Variants in ZNF146 observed in about 807,000 individuals in gnomAD.
ZNF146 encodes zinc finger protein OZF.
A neutral mutation model predicts 22.2 loss-of-function variants in ZNF146; 9 were observed. The observed-to-expected ratio is 0.41, with a 90% CI of 0.24 to 0.71. The LOEUF (loss-of-function observed/expected upper bound fraction) is 0.71, where lower values mean the gene tolerates loss of function less well. Ranked by LOEUF, ZNF146 falls within the 30% of genes least tolerant of loss-of-function variation. The probability of loss-of-function intolerance (pLI) is 0.34; values close to 1 mark genes in which losing one functional copy is unlikely to be tolerated. For synonymous variants in ZNF146, 108 were observed against 119.2 expected, an observed-to-expected ratio of 0.91 and a Z score of 0.61; for missense variants, 194 against 344.8, an observed-to-expected ratio of 0.56 and a Z score of 3.46.
In ZNF146 at chr19:36,218,102, T is replaced by TTTTTTTG. The variant is rs1976688809; in HGVS notation, c.-928-14_-928-13insGTTTTTT. ...TTACAGGCATGAGCTAATTTTTTTT[T>TTTTTTTG]TTTTTTTTTTAAATTAAAGGAAGAC... On this transcript the variant is annotated intron_variant, in intron 1 of 3. Coordinates refer to ENST00000443387, the MANE Select transcript of ZNF146 (RefSeq NM_007145.3). The TTTTTTTG allele has an allele frequency of 8.8e-6, 1 of 113,436 alleles. No homozygotes were observed. The highest frequency in any genetic ancestry group is 1.9e-5 in the Non-Finnish European group (1 of 51,986). 7.0% of individuals were successfully genotyped at this position (113,436 alleles called of 1,614,324 possible).
chr19:36,215,936 C>T (rs1233799154), intron 1 of ZNF146, among the ~76,000 whole-genome samples: 1 of 152,098 alleles, frequency 6.6e-6, no homozygotes, highest in Non-Finnish European at 1.5e-5. Flanking sequence ...TCCTAGGTGT[C>T]TTAATTCCTT....
intron 2 of ZNF146, among the ~76,000 whole-genome samples, chr19:36,220,328 TACCTAATTTCTTAGCTCCTAGTTC>T (rs60219339): frequency 0.098 from 14,292 of 145,430 alleles, 1,521 homozygotes; most frequent in Non-Finnish European, 0.15. Flanking sequence ...ATAGTATTTT[TACCTAATTTCTTAGCTCCTAGTTC>T]TTTTTTTTAA....
At chr19:36,230,905 GATTCT>G (rs1568434412) in intron 3 of ZNF146, among the ~76,000 whole-genome samples, 2 of 152,046 alleles carry the variant, frequency 1.3e-5, no homozygotes, top group African/African-American at 4.8e-5. Flanking sequence ...AGGTTCAAGC[GATTCT>G]CCTGCCTTAG....
rs1977627734 is a variant in ZNF146, at chr19:36,235,899, C to A, written c.-542C>A. On this transcript the variant is annotated 5_prime_UTR_variant, in exon 4 of 4. Transcript: ENST00000443387. ...GGGAGGTTGTGTAGGAAAGAATCAT[C>A]AAGGGACTTAGTTGGGAGCTTCTCT... 1 of 152,368 alleles carries A rather than the reference C, an allele frequency of 6.6e-6. No homozygotes were observed. The highest frequency in any genetic ancestry group is 2.4e-5 in the African/African-American group (1 of 41,438). 9.4% of individuals were successfully genotyped at this position (152,368 alleles called of 1,614,324 possible).
intron 3 of ZNF146, among the ~76,000 whole-genome samples, chr19:36,232,211 A>C (rs1047564268): frequency 6.6e-6 from 1 of 151,986 alleles, no homozygotes; most frequent in Middle Eastern, 3.4e-3. Flanking sequence ...AAAAAAAAAA[A>C]ACATACAAAT....
intron 2 of ZNF146, among the ~76,000 whole-genome samples, chr19:36,227,031 C>T (rs530570247): frequency 9.9e-4 from 147 of 148,056 alleles, no homozygotes; most frequent in African/African-American, 3.4e-3. Context: ...TGCAGTGAGC[C>T]GAGATCGCAC....
intron 2 of ZNF146, among the ~76,000 whole-genome samples, chr19:36,227,897 A>G (rs2145429490): frequency 6.6e-6 from 1 of 152,310 alleles, no homozygotes; most frequent in African/African-American, 2.4e-5. Context: ...ACGGTGGCTT[A>G]CATCTGTAAT....
intron 1 of ZNF146, among the ~76,000 whole-genome samples, chr19:36,217,055 C>CTTTTTTTTTTT (rs752632008): frequency 2.1e-4 from 14 of 65,876 alleles, no homozygotes; most frequent in African/African-American, 4.5e-4. Context: ...CAGTCCCTGT[C>CTTTTTTTTTTT]TTTTTTTTTT....
intron 1 of ZNF146, among the ~76,000 whole-genome samples, chr19:36,216,302 T>C (rs1976602990): frequency 6.6e-6 from 1 of 152,062 alleles, no homozygotes. Flanking sequence ...AAATATACCA[T>C]GTGACATTAA....
intron 2 of ZNF146, among the ~76,000 whole-genome samples, chr19:36,220,774 A>G (rs1347270909): frequency 4.6e-5 from 7 of 152,174 alleles, no homozygotes; most frequent in Non-Finnish European, 1.0e-4. Flanking sequence ...TGCTGATACT[A>G]GTAGTAACCA....
chr19:36,217,153 C>T (rs570210095), intron 1 of ZNF146, among the ~76,000 whole-genome samples: 2 of 147,066 alleles, frequency 1.4e-5, no homozygotes, highest in Non-Finnish European at 3.0e-5. Context: ...ACCTCTGCCC[C>T]CCAGGTTCAA....
Position 36,237,579 on chromosome 19 carries a change from A to T in ZNF146, c.*260A>T. On this transcript the variant is annotated 3_prime_UTR_variant, in exon 4 of 4. Transcript: ENST00000443387. The stretch of plus-strand genomic sequence containing the variant: ...ATTTTCACTAAAAGTGGGAACAGAA[A>T]ATGGAGGCCTGTTTTTTATTGCTAC... 1 of 309,310 alleles carries T rather than the reference A, an allele frequency of 3.2e-6. No individual in the cohort carries two copies. The highest frequency in any genetic ancestry group is 8.7e-5 in the South Asian group (1 of 11,478). 19.2% of individuals were successfully genotyped at this position (309,310 alleles called of 1,614,324 possible).
intron 3 of ZNF146, among the ~76,000 whole-genome samples, chr19:36,233,646 C>G (rs1421749445): frequency 6.6e-6 from 1 of 152,130 alleles, no homozygotes; most frequent in Non-Finnish European, 1.5e-5. Context: ...GTCTCTGCAT[C>G]ATAAACAAGG....
chr19:36,227,293 G>T (rs1167749668), intron 2 of ZNF146, among the ~76,000 whole-genome samples: 1 of 150,172 alleles, frequency 6.7e-6, no homozygotes, highest in Non-Finnish European at 1.5e-5. Context: ...GGAGGCTGAG[G>T]CAGGAGAATG....
In ZNF146 at chr19:36,237,376, C is replaced by T; in HGVS notation, c.*57C>T. On this transcript the variant is annotated 3_prime_UTR_variant, in exon 4 of 4. Coordinates refer to ENST00000443387, the MANE Select transcript of ZNF146 (RefSeq NM_007145.3). ...CTTTCATTAGAAATTTGCACCTCAT[C>T]ATGCCCCAGAAATAATCCTTCTGAA... 6.5e-7 allele frequency: 1 copy of T among 1,530,134 alleles called. No individual in the cohort carries two copies. Among genetic ancestry groups the T allele is most frequent in the South Asian group, 1.3e-5 (1 of 76,000 alleles). The allele number at this position is 1,530,134 out of a possible 1,614,324, so 94.8% of individuals were successfully genotyped here. A position where few individuals can be genotyped will look rare whatever the true frequency, so the allele number is the denominator to read the frequency against.
Position 36,237,418 on chromosome 19 carries a change from G to A in ZNF146, c.*99G>A. ...CCTTCTGAAGCAAAGCACCACGAAT[G>A]AGGTTAACTTTAACAAGTACTAAAA... On this transcript the variant is annotated 3_prime_UTR_variant, in exon 4 of 4. Transcript: ENST00000443387. The A allele has an allele frequency of 7.0e-7, 1 of 1,424,954 alleles. No homozygotes were observed. Among genetic ancestry groups the A allele is most frequent in the Non-Finnish European group, 9.4e-7 (1 of 1,069,118 alleles). 88.3% of individuals were successfully genotyped at this position (1,424,954 alleles called of 1,614,324 possible). A position where few individuals can be genotyped will look rare whatever the true frequency, so the allele number is the denominator to read the frequency against.
chr19:36,221,906 A>G (rs891932375), intron 2 of ZNF146, among the ~76,000 whole-genome samples: 2 of 148,108 alleles, frequency 1.4e-5, no homozygotes, highest in African/African-American at 5.0e-5. Flanking sequence ...TGTCCTAGAG[A>G]TAGCCCTTCC....
chr19:36,224,490 C>CT (rs1264656489), intron 2 of ZNF146, among the ~76,000 whole-genome samples: 1 of 152,212 alleles, frequency 6.6e-6, no homozygotes, highest in Non-Finnish European at 1.5e-5. Context: ...AGCAGAAAGA[C>CT]TGAGGACACT....
intron 2 of ZNF146, 92 bp downstream of exon 2, chr19:36,218,287 A>G (rs1296533647): frequency 1.3e-5 from 2 of 151,896 alleles, no homozygotes; most frequent in African/African-American, 4.8e-5. Flanking sequence ...GTAGCTCCAG[A>G]AGTTAATACA....
Sources: allele counts gnomAD v4.1 joint callset (sites outside exome capture counted in the v4.1 genomes callset), GRCh38; gene constraint gnomAD v4.1.1; transcripts MANE v1.5; gene names NCBI Gene and HGNC (gene_info 2026-07-23, HGNC 2026-07-21).